SESN1: variants seen among roughly 807,000 people sequenced by gnomAD.
SESN1 encodes sestrin-1.
Under a neutral mutation model 59.3 loss-of-function variants are expected in SESN1, and 30 were observed. The ratio of observed to expected loss-of-function variants is 0.51; its 90% confidence interval spans 0.38 to 0.69. SESN1 has a LOEUF of 0.69. SESN1 is among the 30% of genes least tolerant of loss of function. The pLI, the probability that SESN1 is intolerant of heterozygous loss-of-function variation, is 0.00. For synonymous variants in SESN1, 197 were observed against 219.9 expected (o/e 0.90, Z 0.92); for missense variants, 566 against 673.0 (o/e 0.84, Z 1.76).
Position 109,094,039 on chromosome 6 carries a change from C to T in SESN1, c.35G>A (p.Gly12Glu). ...AEGENEVRWD[G>E]LCSRDSTTRE... ...AGTAGTTGAATCTCTGCTGCAGAGT[C>T]CATCCCATCTCACTTCATTCTCTCC... The change falls in exon 1 of 10, where the codon GGA becomes GAA. Residue 12 changes from glycine to glutamate, a missense_variant. By Grantham distance (98) the Gly-to-Glu change is moderately conservative. Coordinates refer to ENST00000436639, the MANE Select transcript of SESN1 (RefSeq NM_014454.3). The T allele has an allele frequency of 6.2e-7, 1 of 1,614,126 alleles. No individual in the cohort carries two copies. The highest frequency in any genetic ancestry group is 8.5e-7 in the Non-Finnish European group (1 of 1,179,998).
At chr6:109,088,285 T>G (rs1005832464) in intron 1 of SESN1, 1 of 152,256 alleles carries the variant, frequency 6.6e-6, no homozygotes, top group African/African-American at 2.4e-5. Flanking sequence ...ACAAGTAATG[T>G]AGTTGAGCCA....
rs1356024020 is a variant in SESN1, at chr6:109,094,692, G to C, written c.-619C>G. 1 of 152,812 alleles carries C rather than the reference G, an allele frequency of 6.5e-6. No homozygotes were observed. Among genetic ancestry groups the C allele is most frequent in the Non-Finnish European group, 1.5e-5 (1 of 68,536 alleles). 9.5% of individuals were successfully genotyped at this position (152,812 alleles called of 1,614,324 possible). On this transcript the variant is annotated 5_prime_UTR_variant, in exon 1 of 10. Coordinates refer to ENST00000436639, the MANE Select transcript of SESN1 (RefSeq NM_014454.3). ...GTCTCGGGCAGCCGTAGTCTCGGCG[G>C]GCGGCGGTGAAAAAAAGCGTCCCCC...
At chr6:109,087,424 A>G (rs1562477941) in intron 1 of SESN1, among the ~76,000 whole-genome samples, 1 of 152,208 alleles carries the variant, frequency 6.6e-6, no homozygotes, top group East Asian at 1.9e-4. Context: ...GAGAATAAAG[A>G]ATATTCTCTG....
At chr6:109,093,712 T>A (rs534657490) in intron 1 of SESN1, 83 bp downstream of exon 1, 10 of 1,372,884 alleles carry the variant, frequency 7.3e-6, no homozygotes, top group Non-Finnish European at 1.0e-5. Flanking sequence ...AACAACCTAA[T>A]AGAAACAAAC....
chr6:109,085,384 T>G (rs1250089358), intron 1 of SESN1, among the ~76,000 whole-genome samples: 1 of 152,110 alleles, frequency 6.6e-6, no homozygotes, highest in Non-Finnish European at 1.5e-5. Flanking sequence ...CTGGGTCTGG[T>G]GGCGGGCACC....
At chr6:109,049,233 A>G (rs1165267250) in intron 1 of SESN1, among the ~76,000 whole-genome samples, 2 of 152,232 alleles carry the variant, frequency 1.3e-5, no homozygotes, top group Non-Finnish European at 2.9e-5. Context: ...TTACAGCAAC[A>G]TGGATGGAAC....
At chr6:109,000,791 T>A in intron 3 of SESN1, 118 bp from the exon 4 acceptor site, 1 of 821,612 alleles carries the variant, frequency 1.2e-6, no homozygotes, top group Non-Finnish European at 1.7e-6. Context: ...AAATTTTCCG[T>A]AAACTACAGA....
chr6:109,058,545 A>C (rs1780675311), intron 1 of SESN1, among the ~76,000 whole-genome samples: 1 of 152,320 alleles, frequency 6.6e-6, no homozygotes, highest in Non-Finnish European at 1.5e-5. Context: ...GACTGTACAG[A>C]TCCCACATTG....
chr6:109,064,980 A>G (rs1780798581), intron 1 of SESN1, among the ~76,000 whole-genome samples: 1 of 152,144 alleles, frequency 6.6e-6, no homozygotes, highest in African/African-American at 2.4e-5. Context: ...GTTATCAAGA[A>G]TAGTACTGTG....
At chr6:109,001,212 G>C in intron 3 of SESN1, 76 bp downstream of exon 3, 2 of 1,227,826 alleles carry the variant, frequency 1.6e-6, no homozygotes, top group Non-Finnish European at 2.3e-6. Context: ...TTATCCCTGT[G>C]TTTAAAGCAT....
intron 1 of SESN1, among the ~76,000 whole-genome samples, chr6:109,063,448 G>C (rs1350662233): frequency 6.6e-6 from 1 of 152,114 alleles, no homozygotes; most frequent in Non-Finnish European, 1.5e-5. Flanking sequence ...TGGGACCAGA[G>C]GGGATAGAGA....
chr6:108,996,771 A>G (rs1779509646), intron 5 of SESN1, among the ~76,000 whole-genome samples: 1 of 152,198 alleles, frequency 6.6e-6, no homozygotes, highest in Non-Finnish European at 1.5e-5. Flanking sequence ...TAATACACCA[A>G]CACTTAGAAG....
intron 1 of SESN1, among the ~76,000 whole-genome samples, chr6:109,017,252 A>T (rs1432223200): frequency 6.6e-6 from 1 of 152,188 alleles, no homozygotes; most frequent in Non-Finnish European, 1.5e-5. Context: ...TTAGCATTCA[A>T]TCATTCATTA....
chr6:109,032,460 T>C (rs1321081812), intron 1 of SESN1, among the ~76,000 whole-genome samples: 1 of 150,786 alleles, frequency 6.6e-6, no homozygotes, highest in Admixed American at 6.6e-5. Context: ...CTACTAAAAA[T>C]ACAAAAAATT....
rs117539554 is a variant in SESN1 at position 108,989,994 on chromosome 6, G to A, written c.1424+651C>T. Among the ~76,000 whole-genome samples the A allele has an allele frequency of 5.9e-5, 9 of 152,276 alleles. 1 individual carries two copies. In the East Asian group the frequency reaches 1.4e-3, roughly 23 times the overall value. ...CAGCTGTACTTCAAATGCCAGATCC[G>A]TTTAGAGTAGATTAAATAGGGTTTG... On this transcript the variant is annotated intron_variant, in intron 8 of 9. Coordinates refer to ENST00000436639, the MANE Select transcript of SESN1 (RefSeq NM_014454.3).
At chr6:109,061,790 C>A (rs529293370) in intron 1 of SESN1, among the ~76,000 whole-genome samples, 1 of 151,830 alleles carries the variant, frequency 6.6e-6, no homozygotes, top group African/African-American at 2.4e-5. Flanking sequence ...GGCAACAGAG[C>A]GAGATCCTGT....
rs557823949 is a variant in SESN1 at position 109,094,213 on chromosome 6, T to C, written c.-140A>G. ...TGAAAACACACATCTGGGTGACATT[T>C]GGAACCACTGGTGCCTTCAGCCGAT... On this transcript the variant is annotated 5_prime_UTR_variant, in exon 1 of 10. Coordinates refer to ENST00000436639, the MANE Select transcript of SESN1 (RefSeq NM_014454.3). The C allele has an allele frequency of 3.7e-5, 33 of 899,774 alleles. No homozygotes were observed. In the Admixed American group the frequency reaches 7.5e-4, roughly 20 times the overall value. The allele number at this position is 899,774 out of a possible 1,614,324, so 55.7% of individuals were successfully genotyped here. A position where few individuals can be genotyped will look rare whatever the true frequency, so the allele number is the denominator to read the frequency against.
At chr6:108,994,175 G>C (rs1779452967) in intron 6 of SESN1, among the ~76,000 whole-genome samples, 2 of 149,484 alleles carry the variant, frequency 1.3e-5, no homozygotes, top group South Asian at 2.1e-4. Context: ...AGAAAAAAGA[G>C]GGCACTCATA....
chr6:109,003,300 C>T (rs1381154762), intron 1 of SESN1, among the ~76,000 whole-genome samples: 1 of 150,444 alleles, frequency 6.6e-6, no homozygotes, highest in African/African-American at 2.4e-5. Flanking sequence ...TAATTCTACT[C>T]TCTCCTTACT....
Sources: allele counts gnomAD v4.1 joint callset (sites outside exome capture counted in the v4.1 genomes callset), GRCh38; gene constraint gnomAD v4.1.1; transcripts MANE v1.5; gene names NCBI Gene and HGNC (gene_info 2026-07-23, HGNC 2026-07-21).